The following CLUH variants were observed in gnomAD, a reference collection of about 807,000 sequenced individuals.
CLUH encodes the protein CLUH binding protein of NUMT mRNA, also known as clustered mitochondria protein homolog.
In CLUH, 77 loss-of-function variants were observed where a neutral mutation model predicts 139.3. The ratio of observed to expected loss-of-function variants is 0.55; its 90% CI spans 0.46 to 0.67. The LOEUF is 0.67. Among genes scored for constraint, CLUH ranks in the 30% least tolerant of loss-of-function variants. CLUH has a pLI of 0.00. For missense variants in CLUH, 1,876 were observed against 1,875.8 expected (o/e 1.00, Z 0.00); for synonymous variants, 999 against 801.6 (o/e 1.25, Z -4.16).
At chr17:2,701,558 G>T (rs1255716871) in intron 5 of CLUH, 38 bp from the exon 6 acceptor site, 3 of 1,612,516 alleles carry the variant, frequency 1.9e-6, no homozygotes, top group Non-Finnish European at 2.5e-6. Flanking sequence ...CAGGCCTCTG[G>T]TGTGGGGCCT....
rs377415678 is a variant in CLUH at position 2,694,235 on chromosome 17, G to A, written c.2979C>T (p.Pro993=). ...TGAGCACGTCCTCCTCGGTGAACGCGGGCTTGTGGCGACTGTCGAAGCTGT... is the reference window on the plus strand; with the variant it reads ...TGAGCACGTCCTCCTCGGTGAACGCAGGCTTGTGGCGACTGTCGAAGCTGT... ...KEYSFDSRHK[P]AFTEEDVLNI... is the part of the protein sequence containing the mutation. The change falls in exon 18 of 26, where the codon CCC becomes CCT. Residue 993 remains proline (P), a synonymous_variant. Transcript: ENST00000651024. The A allele has an allele frequency of 4.5e-5, 72 of 1,610,602 alleles. No homozygotes were observed. The highest frequency in any genetic ancestry group is 2.7e-4 in the East Asian group (12 of 44,818).
In CLUH at chr17:2,694,235, G is replaced by C; in HGVS notation, c.2979C>G (p.Pro993=). The change falls in exon 18 of 26, where the codon CCC becomes CCG. Residue 993 remains proline (P), a synonymous_variant. Transcript: ENST00000651024. ...TGAGCACGTCCTCCTCGGTGAACGC[G>C]GGCTTGTGGCGACTGTCGAAGCTGT... ...KEYSFDSRHK[P]AFTEEDVLNI... The C allele has an allele frequency of 1.2e-6, 2 of 1,610,602 alleles. No individual in the cohort carries two copies. The highest frequency in any genetic ancestry group is 8.5e-7 in the Non-Finnish European group (1 of 1,178,122).
chr17:2,709,487 C>T (rs140232475), intron 1 of CLUH, among the ~76,000 whole-genome samples: 1 of 152,128 alleles, frequency 6.6e-6, no homozygotes, highest in Admixed American at 6.5e-5. Flanking sequence ...CTCCCATAAG[C>T]CCCTAGACTC....
intron 9 of CLUH, 24 bp downstream of exon 9, chr17:2,700,357 GC>G (rs1567591168): frequency 6.3e-7 from 1 of 1,599,702 alleles, no homozygotes. Flanking sequence ...GCCTCAGACT[GC>G]CGGTCAGCAG....
intron 8 of CLUH, 46 bp from the exon 9 acceptor site, chr17:2,700,520 G>C: frequency 6.3e-7 from 1 of 1,584,146 alleles, no homozygotes; most frequent in Non-Finnish European, 8.6e-7. Flanking sequence ...CCTGTGCCCT[G>C]TGACCTGCTC....
Position 2,697,818 on chromosome 17 carries a change from C to G in CLUH, c.1961+78G>C, listed in dbSNP as rs1455476927. ...TCTCCAGCGCTTCTCCCTTCAAGGA[C>G]CCAACCCCGGATCCACCCAGGGCGC... On this transcript the variant is annotated intron_variant, in intron 10 of 25. Coordinates refer to ENST00000651024, the MANE Select transcript of CLUH (RefSeq NM_001366661.1). The G allele has an allele frequency of 3.7e-6, 5 of 1,348,484 alleles. No homozygotes were observed. In the Admixed American group the frequency reaches 1.1e-4, roughly 31 times the overall value. The allele number at this position is 1,348,484 out of a possible 1,614,324, so 83.5% of individuals were successfully genotyped here.
At position 2,703,229 on chromosome 17, in the gene CLUH, G is replaced by A. The variant is rs1034158583; in HGVS notation, c.475+89C>T. On this transcript the variant is annotated intron_variant, in intron 3 of 25. Transcript: ENST00000651024. The surrounding 1 kb of genome is among the most constrained non-coding windows in gnomAD (Gnocchi z 4.2). Reference sequence around the variant, plus strand: ...CAATCCTGCCTCCATGAGCTCATCCGTGACACAGGGACCCTGGCATGGATG... The same window carrying A: ...CAATCCTGCCTCCATGAGCTCATCCATGACACAGGGACCCTGGCATGGATG... The A allele has an allele frequency of 5.8e-6, 8 of 1,374,848 alleles. No individual in the cohort carries two copies. Among genetic ancestry groups the A allele is most frequent in the Middle Eastern group, 1.8e-4 (1 of 5,502 alleles). 85.2% of individuals were successfully genotyped at this position (1,374,848 alleles called of 1,614,324 possible).
At chr17:2,708,410 C>T (rs1322578582) in intron 1 of CLUH, among the ~76,000 whole-genome samples, 3 of 152,068 alleles carry the variant, frequency 2.0e-5, no homozygotes, top group Non-Finnish European at 2.9e-5. Flanking sequence ...GTGTTGACAA[C>T]CACCTGCACT....
In CLUH at chr17:2,692,084, C is replaced by A; in HGVS notation, c.3574G>T (p.Ala1192Ser). The part of the protein sequence containing the change: ...LKVALSHHLV[A>S]RVYESKAEFR... ...TCAGCTTTGCTCTCGTAGACTCGGG[C>A]GACAAGGTGGTGGCTGCCGGGAGGC... The change falls in exon 23 of 26, where the codon GCC (alanine) becomes TCC (serine). Residue 1192 changes from alanine (A) to serine (S), a missense_variant. By Grantham distance (99) the Ala-to-Ser change is moderately conservative (BLOSUM62 1). Around this residue, in one of 3 missense-constraint regions of CLUH, gnomAD observed 1,454 missense variants for 1,384.4 expected, o/e 1.05. Transcript: ENST00000651024. 4.4e-6 allele frequency: 7 copies of A among 1,602,788 alleles called. No homozygotes were observed. The highest frequency in any genetic ancestry group is 5.1e-6 in the Non-Finnish European group (6 of 1,175,700).
At position 2,696,511 on chromosome 17, in the gene CLUH, C is replaced by T. The variant is rs1184946588; in HGVS notation, c.2213G>A (p.Arg738His). 8.2e-6 allele frequency: 13 copies of T among 1,583,678 alleles called. No individual in the cohort carries two copies. The highest frequency in any genetic ancestry group is 1.8e-5 in the Admixed American group (1 of 56,036). ...GGAGCCGACCGCCTTGCACGCGTTG[C>T]GGATCACCTCCCGGCTCCGAGGGTC... is the stretch of plus-strand genomic sequence containing the variant. ...TADPRSREVI[R>H]NACKAVGSIS... Residue 738 changes from arginine (R) to histidine (H), a missense_variant, in exon 12 of 26, where the codon CGC (arginine) becomes CAC (histidine). This residue lies in a region of CLUH where 1,454 missense variants were observed against 1,384.4 expected (regional missense o/e 1.05). Transcript: ENST00000651024.
intron 1 of CLUH, among the ~76,000 whole-genome samples, chr17:2,710,470 G>A (rs1414951462): frequency 2.0e-5 from 3 of 152,220 alleles, no homozygotes; most frequent in Non-Finnish European, 2.9e-5. Context: ...CTGAAGCTAG[G>A]AAGGGAGATG....
In CLUH at chr17:2,691,978, GCCCCC is replaced by G. The variant is rs2069689980; in HGVS notation, c.3654+21_3654+25del. 6.2e-6 allele frequency: 3 copies of G among 485,656 alleles called. No individual in the cohort carries two copies. The African/African-American group carries it at 2.5e-4, about 41-fold the overall frequency. The allele number at this position is 485,656 out of a possible 1,614,324, so 30.1% of individuals were successfully genotyped here. A position where few individuals can be genotyped will look rare whatever the true frequency, so the allele number is the denominator to read the frequency against. On this transcript the variant is annotated intron_variant, in intron 23 of 25. Coordinates refer to ENST00000651024, the MANE Select transcript of CLUH (RefSeq NM_001366661.1). ...CCCGCCACGCCCCCGCCCCGCCCCC[GCCCCC>G]GCCACGCCCCCGCCGCGCACCTGCG...
chr17:2,692,811 C>T lies in CLUH; in HGVS notation c.3281G>A (p.Gly1094Asp). The T allele has an allele frequency of 6.2e-7, 1 of 1,604,332 alleles. No individual in the cohort carries two copies. The highest frequency in any genetic ancestry group is 8.5e-7 in the Non-Finnish European group (1 of 1,173,764). The change falls in exon 20 of 26, where the codon GGC becomes GAC. Residue 1094 changes from glycine (G) to aspartate (D), a missense_variant. Coordinates refer to ENST00000651024, the MANE Select transcript of CLUH (RefSeq NM_001366661.1). ...CTGGATGGTGTTGGGGTGCTCGGTGCCCATCACCCGCTCGCTCATCAGCAC... is the reference window on the plus strand; with the variant it reads ...CTGGATGGTGTTGGGGTGCTCGGTGTCCATCACCCGCTCGCTCATCAGCAC... ...KAVLMSERVM[G>D]TEHPNTIQEY...
chr17:2,710,033 C>T (rs1247893030), intron 1 of CLUH, among the ~76,000 whole-genome samples: 2 of 151,656 alleles, frequency 1.3e-5, no homozygotes, highest in African/African-American at 4.8e-5. Context: ...AGACGCTCGT[C>T]AGCCCCCTAG....
rs895833832 is a variant in CLUH, at chr17:2,698,530, C to T, written c.1327G>A (p.Val443Met). Residue 443 changes from valine (V) to methionine (M), a missense_variant, in exon 10 of 26, where the codon GTG (valine) becomes ATG (methionine). Val to Met is a conservative substitution (Grantham distance 21, BLOSUM62 1). This residue lies in a region of CLUH where 1,454 missense variants were observed against 1,384.4 expected (regional missense o/e 1.05). Coordinates refer to ENST00000651024, the MANE Select transcript of CLUH (RefSeq NM_001366661.1). ...RGAMAVIDGN[V>M]MAINPSEETK... ...TCCTCGCTGGGGTTGATGGCCATCA[C>T]GTTGCCGTCAATGACGGCCATGGCG... is the stretch of plus-strand genomic sequence containing the variant. 4 of 1,612,278 alleles carry T rather than the reference C, an allele frequency of 2.5e-6. No individual in the cohort carries two copies. Among genetic ancestry groups the T allele is most frequent in the South Asian group, 1.1e-5 (1 of 90,992 alleles).
rs2069870793 is a variant in CLUH at position 2,694,857 on chromosome 17, C to T, written c.2852G>A (p.Cys951Tyr). The change falls in exon 16 of 26, where the codon TGT becomes TAT. Residue 951 changes from cysteine to tyrosine, a missense_variant and splice_region_variant. Physicochemically the swap from Cys to Tyr is radical, Grantham distance 194 (BLOSUM62 -2). Around this residue, in one of 3 missense-constraint regions of CLUH, gnomAD observed 1,454 missense variants for 1,384.4 expected, o/e 1.05. Transcript: ENST00000651024. ...AKNYFDFDLE[C>Y]ETVDQAVETY... ...CCCACCGCCCCTGCCCCGCACGCACCACTCGAGGTCGAAGTCAAAGTAGTT... is the reference window on the plus strand; with the variant it reads ...CCCACCGCCCCTGCCCCGCACGCACTACTCGAGGTCGAAGTCAAAGTAGTT... The T allele has an allele frequency of 1.3e-6, 2 of 1,511,476 alleles. No individual in the cohort carries two copies. Among genetic ancestry groups the T allele is most frequent in the African/African-American group, 1.4e-5 (1 of 72,462 alleles). 93.6% of individuals were successfully genotyped at this position (1,511,476 alleles called of 1,614,324 possible). A position where few individuals can be genotyped will look rare whatever the true frequency, so the allele number is the denominator to read the frequency against.
intron 4 of CLUH, 23 bp from the exon 5 acceptor site, chr17:2,701,760 T>G: frequency 6.4e-7 from 1 of 1,556,680 alleles, no homozygotes; most frequent in Non-Finnish European, 8.7e-7. Flanking sequence ...AGGCTGGTGG[T>G]CAGCACAGGG....
rs2069639690 is a variant in CLUH at position 2,691,652 on chromosome 17, C to G, written c.3820G>C (p.Glu1274Gln). ...FTAPSMASVLEQLNVINGILF... is the reference protein window; with the variant it reads ...FTAPSMASVLQQLNVINGILF... ...ATGCCGTTAATGACGTTCAGCTGCT[C>G]CAAGACGCTGGCCATGCTGGGGGCC... The change falls in exon 25 of 26, where the codon GAG (glutamate) becomes CAG (glutamine). Residue 1274 changes from glutamate to glutamine, a missense_variant. Glu to Gln is a conservative substitution (Grantham distance 29). Around this residue, in one of 3 missense-constraint regions of CLUH, gnomAD observed 1,454 missense variants for 1,384.4 expected, o/e 1.05. Transcript: ENST00000651024. 1 of 1,612,582 alleles carries G rather than the reference C, an allele frequency of 6.2e-7. No individual in the cohort carries two copies. Among genetic ancestry groups the G allele is most frequent in the Non-Finnish European group, 8.5e-7 (1 of 1,179,352 alleles).
Position 2,690,585 on chromosome 17 carries a change from G to T in CLUH, c.*9C>A, listed in dbSNP as rs1355340527. The T allele has an allele frequency of 6.9e-7, 1 of 1,448,118 alleles. No individual in the cohort carries two copies. The highest frequency in any genetic ancestry group is 9.1e-7 in the Non-Finnish European group (1 of 1,098,256). 89.7% of individuals were successfully genotyped at this position (1,448,118 alleles called of 1,614,324 possible). A position where few individuals can be genotyped will look rare whatever the true frequency, so the allele number is the denominator to read the frequency against. ...GGGCCGCTGGCTGGCTGTCCGTCTG[G>T]CTCCCTCTCTATCCCTGCACGCTCG... On this transcript the variant is annotated 3_prime_UTR_variant, in exon 26 of 26. Coordinates refer to ENST00000651024, the MANE Select transcript of CLUH (RefSeq NM_001366661.1).
Sources: allele counts gnomAD v4.1 joint callset (sites outside exome capture counted in the v4.1 genomes callset), GRCh38; gene constraint gnomAD v4.1.1; regional missense constraint gnomAD v4.1.1; non-coding constraint Gnocchi (gnomAD v3.1); transcripts MANE v1.5; gene names NCBI Gene and HGNC (gene_info 2026-07-23, HGNC 2026-07-21).